Variants in ELK3 observed in about 807,000 individuals in gnomAD.
ELK3 encodes ETS domain-containing protein Elk-3.
In ELK3, 10 loss-of-function variants were observed where a neutral mutation model predicts 28.9. The ratio of observed to expected loss-of-function variants is 0.35; its 90% confidence interval spans 0.21 to 0.59. The LOEUF (loss-of-function observed/expected upper bound fraction) is 0.59. Among genes scored for constraint, ELK3 ranks in the 20% least tolerant of loss-of-function variants. The pLI, the probability that ELK3 is intolerant of heterozygous loss-of-function variation, is 0.82. For missense variants in ELK3, 463 were observed against 517.3 expected (o/e 0.90, Z 1.02); for synonymous variants, 272 against 243.5 (o/e 1.12, Z -1.09).
chr12:96,228,684 G>T (rs79682951), intron 2 of ELK3, among the ~76,000 whole-genome samples: 2 of 152,002 alleles, frequency 1.3e-5, no homozygotes, highest in East Asian at 3.9e-4. Flanking sequence ...CTCCCTCACC[G>T]CTCTGAATCA....
At chr12:96,236,245 G>A (rs780277128) in intron 2 of ELK3, among the ~76,000 whole-genome samples, 1 of 152,218 alleles carries the variant, frequency 6.6e-6, no homozygotes, top group Non-Finnish European at 1.5e-5. Context: ...GCAGCGCCCA[G>A]CCAAGAAGGC....
At position 96,210,561 on chromosome 12, in the gene ELK3, G is replaced by GCGCACA. The variant is rs1555193024; in HGVS notation, c.-2-13003_-2-13002insGCACAC. Among the ~76,000 whole-genome samples the GCGCACA allele has an allele frequency of 2.3e-3, 340 of 144,836 alleles. 6 individuals carry two copies. The highest frequency in any genetic ancestry group is 0.011 in the Middle Eastern group (3 of 282). On this transcript the variant is annotated intron_variant, in intron 1 of 4. Coordinates refer to ENST00000228741, the MANE Select transcript of ELK3 (RefSeq NM_005230.4). ...CTGTTCCACCGCCCTGCGCGCGGGC[G>GCGCACA]CACGCACACACACACACACACACAC...
intron 2 of ELK3, among the ~76,000 whole-genome samples, chr12:96,224,369 G>A (rs368186466): frequency 6.6e-6 from 1 of 151,406 alleles, no homozygotes; most frequent in Admixed American, 6.6e-5. Flanking sequence ...ATGACCAACC[G>A]AGCCATTACG....
At chr12:96,237,306 C>G (rs895062967) in intron 2 of ELK3, among the ~76,000 whole-genome samples, 2 of 152,138 alleles carry the variant, frequency 1.3e-5, no homozygotes, top group African/African-American at 4.8e-5. Context: ...TGTGGCGGCT[C>G]ACGCTTGTCA....
intron 1 of ELK3, among the ~76,000 whole-genome samples, chr12:96,205,013 C>T (rs1388598769): frequency 6.6e-6 from 1 of 152,198 alleles, no homozygotes; most frequent in Non-Finnish European, 1.5e-5. Flanking sequence ...AGAGGGAGGT[C>T]TGTGTCTGAG....
chr12:96,253,858 T>C (rs1438901367), intron 3 of ELK3, among the ~76,000 whole-genome samples: 2 of 152,252 alleles, frequency 1.3e-5, no homozygotes, highest in African/African-American at 2.4e-5. Context: ...TTCGCTTAGA[T>C]ACCTGGAGAT....
At chr12:96,229,286 T>A (rs957322328) in intron 2 of ELK3, among the ~76,000 whole-genome samples, 3 of 152,170 alleles carry the variant, frequency 2.0e-5, no homozygotes, top group African/African-American at 7.2e-5. Context: ...GACCACAAAC[T>A]GTAGGTGGCT....
intron 1 of ELK3, among the ~76,000 whole-genome samples, chr12:96,209,141 G>C (rs897028929): frequency 6.6e-6 from 1 of 152,248 alleles, no homozygotes; most frequent in African/African-American, 2.4e-5. Flanking sequence ...CAGACGTGAT[G>C]TTAAAGGCCA....
chr12:96,196,650 G>A lies in ELK3; in HGVS notation c.-3+1945G>A, dbSNP rs898341646. Among the ~76,000 whole-genome samples the A allele has an allele frequency of 9.4e-4, 142 of 151,870 alleles. 2 individuals are homozygous for A. Among genetic ancestry groups the A allele is most frequent in the Non-Finnish European group, 1.7e-3 (117 of 67,978 alleles). On this transcript the variant is annotated intron_variant, in intron 1 of 4. Coordinates refer to ENST00000228741, the MANE Select transcript of ELK3 (RefSeq NM_005230.4). ...GAGACTGTCCATAAGTGTTCTTAGA[G>A]TTTCCAGTAATGATCCTGCCTAGAA...
Position 96,247,501 on chromosome 12 carries a change from A to C in ELK3, c.769A>C (p.Arg257=). ...SPNSPLPSEH[R]SLFLEAACHD... is the part of the protein sequence containing the mutation. ...CAACTCACCCCTCCCTTCTGAACACAGAAGCCTCTTCCTGGAGGCCGCCTG... is the reference window on the plus strand; with the variant it reads ...CAACTCACCCCTCCCTTCTGAACACCGAAGCCTCTTCCTGGAGGCCGCCTG... The change falls in exon 3 of 5, where the codon AGA becomes CGA. Residue 257 remains arginine (R), a synonymous_variant. Transcript: ENST00000228741. This position sits in a 1 kb window ranked among gnomAD's most constrained non-coding sequence, Gnocchi z 5.5. The C allele has an allele frequency of 6.2e-7, 1 of 1,613,750 alleles. No individual in the cohort carries two copies. Among genetic ancestry groups the C allele is most frequent in the Non-Finnish European group, 8.5e-7 (1 of 1,179,956 alleles).
chr12:96,267,037 A>G lies in ELK3; in HGVS notation c.1126-45A>G, dbSNP rs562893955. On this transcript the variant is annotated intron_variant, in intron 4 of 4. Coordinates refer to ENST00000228741, the MANE Select transcript of ELK3 (RefSeq NM_005230.4). ...AATGTAAAGAACCTAAGTTCTTCCC[A>G]ATGGATTTGCAATAATTATTGTAAA... 2.6e-5 allele frequency: 40 copies of G among 1,542,544 alleles called. 1 individual carries two copies. The Middle Eastern group carries it at 5.1e-4, about 20-fold the overall frequency.
At position 96,247,721 on chromosome 12, in the gene ELK3, T is replaced by C; in HGVS notation, c.989T>C (p.Phe330Ser). ...ALPSGSLTPA[F>S]FTAQTPNGLL... ...CCCTCGGGATCCCTCACCCCAGCCT[T>C]CTTCACCGCACAGGTAAGAGTCATT... The change falls in exon 3 of 5, where the codon TTC (phenylalanine) becomes TCC (serine). Residue 330 changes from phenylalanine to serine, a missense_variant. Physicochemically the swap from Phe to Ser is radical, Grantham distance 155. Around this residue, in one of 2 missense-constraint regions of ELK3, gnomAD observed 408 missense variants for 414.8 expected, o/e 0.98. Transcript: ENST00000228741. This position sits in a 1 kb window ranked among gnomAD's most constrained non-coding sequence, Gnocchi z 5.5. The C allele has an allele frequency of 1.9e-6, 3 of 1,583,326 alleles. No individual in the cohort carries two copies. The highest frequency in any genetic ancestry group is 1.7e-6 in the Non-Finnish European group (2 of 1,165,614).
intron 2 of ELK3, among the ~76,000 whole-genome samples, chr12:96,227,103 CAG>C (rs1951708139): frequency 2.0e-5 from 3 of 152,292 alleles, no homozygotes; most frequent in South Asian, 2.1e-4. Flanking sequence ...CAGATTGGAG[CAG>C]AGTCTTTGTG....
intron 1 of ELK3, among the ~76,000 whole-genome samples, chr12:96,216,237 C>A (rs983939808): frequency 6.6e-6 from 1 of 152,164 alleles, no homozygotes; most frequent in Non-Finnish European, 1.5e-5. Flanking sequence ...GACTCTCCTT[C>A]CTGCTCCAGA....
intron 3 of ELK3, among the ~76,000 whole-genome samples, chr12:96,250,730 G>C (rs1459278045): frequency 3.9e-5 from 6 of 152,210 alleles, no homozygotes; most frequent in African/African-American, 1.4e-4. Flanking sequence ...TGTGTGGGGG[G>C]TGTGCTGTGT....
chr12:96,221,782 A>G (rs1951663783), intron 1 of ELK3, among the ~76,000 whole-genome samples: 3 of 152,210 alleles, frequency 2.0e-5, no homozygotes, highest in African/African-American at 7.2e-5. Flanking sequence ...CTTACAGACC[A>G]TTGTGGTTAA....
intron 2 of ELK3, among the ~76,000 whole-genome samples, chr12:96,245,010 C>T: frequency 6.6e-6 from 1 of 152,044 alleles, no homozygotes; most frequent in Non-Finnish European, 1.5e-5. Flanking sequence ...GGTGGGAGCT[C>T]CAGGATGCAG....
intron 3 of ELK3, among the ~76,000 whole-genome samples, chr12:96,251,006 T>C (rs534656826): frequency 2.6e-5 from 4 of 152,202 alleles, no homozygotes; most frequent in Admixed American, 6.5e-5. Context: ...CTTTGCTTTA[T>C]TACGTTTCAC....
intron 2 of ELK3, among the ~76,000 whole-genome samples, chr12:96,230,972 C>T (rs571917772): frequency 9.3e-4 from 141 of 152,318 alleles, no homozygotes; most frequent in Non-Finnish European, 4.9e-4. Flanking sequence ...GCATGTTTTG[C>T]AACCCGGGTA....
Sources: gnomAD v4.1 joint callset for allele counts (sites outside exome capture counted in the v4.1 genomes callset) on GRCh38, gnomAD v4.1.1 for gene constraint, gnomAD v4.1.1 regional missense constraint, Gnocchi (gnomAD v3.1) non-coding constraint, MANE v1.5 for transcripts, NCBI Gene and HGNC (gene_info 2026-07-23, HGNC 2026-07-21) for gene names.